Variants in ADGRL2 observed in about 807,000 individuals in gnomAD.
ADGRL2 encodes the protein calcium-independent alpha-latrotoxin receptor 2.
ADGRL2 carries 44 observed loss-of-function variants against 157.4 expected under a neutral mutation model. The observed-to-expected ratio is 0.28, with a 90% confidence interval of 0.22 to 0.36. The LOEUF is 0.36. Ranked by LOEUF, ADGRL2 falls within the 10% of genes least tolerant of loss-of-function variation. The pLI is 1.00. For missense variants in ADGRL2, 1,510 were observed against 1,768.9 expected (o/e 0.85, Z 2.63); for synonymous variants, 585 against 624.7 (o/e 0.94, Z 0.95).
chr1:81,539,007 CAAAAAAAAAAA>C (rs71242586), intron 2 of ADGRL2, among the ~76,000 whole-genome samples: 1 of 82,522 alleles, frequency 1.2e-5, no homozygotes, highest in Non-Finnish European at 2.3e-5. Flanking sequence ...GACCCTGTCT[CAAAAAAAAAAA>C]AAAAAAAAAA....
chr1:81,421,992 T>C (rs1228081265), intron 1 of ADGRL2, among the ~76,000 whole-genome samples: 1 of 152,184 alleles, frequency 6.6e-6, no homozygotes, highest in Non-Finnish European at 1.5e-5. Context: ...TTCTTAATAG[T>C]ATTACTTACA....
chr1:81,966,634 T>G (rs180931806), intron 13 of ADGRL2, 25 bp downstream of exon 13: 1 of 1,595,454 alleles, frequency 6.3e-7, no homozygotes, highest in Non-Finnish European at 8.6e-7. Flanking sequence ...GCTAATGAAG[T>G]AATGGAAGGT....
At chr1:81,335,834 TAAAAAAAA>T (rs11351612) in intron 1 of ADGRL2, among the ~76,000 whole-genome samples, 3 of 143,236 alleles carry the variant, frequency 2.1e-5, no homozygotes, top group African/African-American at 5.1e-5. Context: ...ATATAGTGTT[TAAAAAAAA>T]AAAAAACAAA....
chr1:81,531,403 T>C (rs1246060302), intron 2 of ADGRL2, among the ~76,000 whole-genome samples: 1 of 152,224 alleles, frequency 6.6e-6, no homozygotes, highest in Non-Finnish European at 1.5e-5. Context: ...AATTAGAAGT[T>C]TCATTAGGGT....
intron 2 of ADGRL2, among the ~76,000 whole-genome samples, chr1:81,851,814 C>A (rs530761171): frequency 1.3e-5 from 2 of 150,266 alleles, no homozygotes; most frequent in Admixed American, 1.3e-4. Flanking sequence ...CGTACGTTTG[C>A]AAATGAATTT....
intron 1 of ADGRL2, among the ~76,000 whole-genome samples, chr1:81,377,838 T>G (rs1313413391): frequency 6.6e-6 from 1 of 152,168 alleles, no homozygotes; most frequent in African/African-American, 2.4e-5. Flanking sequence ...GTACCTAATT[T>G]TGAATTTTAT....
intron 6 of ADGRL2, 76 bp from the exon 7 acceptor site, chr1:81,950,113 C>T: frequency 8.1e-7 from 1 of 1,238,336 alleles, no homozygotes; most frequent in Non-Finnish European, 1.2e-6. Flanking sequence ...TGTGCATGCA[C>T]ACATTCCATG....
At chr1:81,844,422 A>T (rs1339465512) in intron 2 of ADGRL2, among the ~76,000 whole-genome samples, 2 of 152,220 alleles carry the variant, frequency 1.3e-5, no homozygotes, top group African/African-American at 4.8e-5. Context: ...AGCTTGTGAT[A>T]TTAGAGAATA....
At chr1:81,629,961 A>G (rs1015093373) in intron 3 of ADGRL2, among the ~76,000 whole-genome samples, 7 of 151,678 alleles carry the variant, frequency 4.6e-5, no homozygotes, top group Admixed American at 4.6e-4. Context: ...CAGGCTAAAA[A>G]CTTTGGAAAA....
intron 3 of ADGRL2, among the ~76,000 whole-genome samples, chr1:81,673,849 G>A (rs992688935): frequency 1.3e-5 from 2 of 152,076 alleles, no homozygotes; most frequent in African/African-American, 2.4e-5. Flanking sequence ...TCCCATAGCA[G>A]TCTAACCAGT....
rs956389592 is a variant in ADGRL2, at chr1:81,914,138, G to A, written c.287+6908G>A. ...GGCAGACTTCATGATTATAGATTTC[G>A]GCTTGTGTATACTCTCGTTGACGTA... On this transcript the variant is annotated intron_variant, in intron 3 of 23. Transcript: ENST00000686636. 5.9e-5 allele frequency among the ~76,000 whole-genome samples: 9 copies of A among 151,866 alleles called. 1 individual carries two copies. The highest frequency in any genetic ancestry group is 2.0e-4 in the Admixed American group (3 of 15,236).
At chr1:81,713,741 C>T (rs958783525) in intron 1 of ADGRL2, among the ~76,000 whole-genome samples, 2 of 152,018 alleles carry the variant, frequency 1.3e-5, no homozygotes, top group Non-Finnish European at 2.9e-5. Context: ...AAGTAATCGC[C>T]CAAGTTTATA....
At chr1:81,802,195 G>C (rs1380566988) in intron 1 of ADGRL2, among the ~76,000 whole-genome samples, 2 of 151,940 alleles carry the variant, frequency 1.3e-5, no homozygotes, top group Non-Finnish European at 2.9e-5. Flanking sequence ...CCCCACGCCA[G>C]ACGGCCCTCC....
chr1:81,591,336 T>G (rs2081129154), intron 3 of ADGRL2, among the ~76,000 whole-genome samples: 1 of 152,160 alleles, frequency 6.6e-6, no homozygotes, highest in African/African-American at 2.4e-5. Flanking sequence ...TCCTAAATTT[T>G]GCACAGGAAG....
At chr1:81,715,517 A>C (rs573569078) in intron 1 of ADGRL2, among the ~76,000 whole-genome samples, 18 of 152,238 alleles carry the variant, frequency 1.2e-4, no homozygotes, top group African/African-American at 4.3e-4. Flanking sequence ...AATCATCCTT[A>C]TGAATCTTTT....
intron 2 of ADGRL2, among the ~76,000 whole-genome samples, chr1:81,892,553 T>C (rs982541312): frequency 6.6e-6 from 1 of 152,158 alleles, no homozygotes; most frequent in African/African-American, 2.4e-5. Flanking sequence ...AAACATTCAT[T>C]GACAAGAGGA....
intron 3 of ADGRL2, among the ~76,000 whole-genome samples, chr1:81,603,291 T>C (rs1483456870): frequency 6.6e-6 from 1 of 152,224 alleles, no homozygotes; most frequent in East Asian, 1.9e-4. Context: ...TATTGTACTT[T>C]CCTTATAGGT....
intron 1 of ADGRL2, among the ~76,000 whole-genome samples, chr1:81,328,389 C>A (rs890530745): frequency 6.6e-6 from 1 of 152,028 alleles, no homozygotes; most frequent in Non-Finnish European, 1.5e-5. Flanking sequence ...AATTGTGCTA[C>A]CCACTAAAAA....
chr1:81,511,101 C>T (rs2079067178), intron 2 of ADGRL2, among the ~76,000 whole-genome samples: 2 of 151,986 alleles, frequency 1.3e-5, no homozygotes, highest in Non-Finnish European at 2.9e-5. Context: ...TACTACCTCT[C>T]AAAGTAAAAT....
Sources: allele counts gnomAD v4.1 joint callset (sites outside exome capture counted in the v4.1 genomes callset), GRCh38; gene constraint gnomAD v4.1.1; transcripts MANE v1.5; gene names NCBI Gene and HGNC (gene_info 2026-07-23, HGNC 2026-07-21).